The following FANCD2 variants were observed in gnomAD, a reference collection of about 807,000 sequenced individuals.
The protein encoded by FANCD2 is Fanconi anemia group D2 protein.
A neutral mutation model predicts 192.3 loss-of-function variants in FANCD2; 131 were observed. The observed-to-expected ratio is 0.68, with a 90% CI of 0.59 to 0.79. The LOEUF is 0.79. Among genes scored for constraint, FANCD2 ranks in the 30% least tolerant of loss-of-function variants. The pLI, the probability that FANCD2 is intolerant of heterozygous loss-of-function variation, is 0.00. For synonymous variants in FANCD2, 524 were observed against 612.5 expected, an observed-to-expected ratio of 0.86 and a Z score of 2.13; for missense variants, 1,508 against 1,701.6, an observed-to-expected ratio of 0.89 and a Z score of 2.00.
At chr3:10,039,461 A>G in intron 8 of FANCD2, 104 bp downstream of exon 8, 2 of 1,062,558 alleles carry the variant, frequency 1.9e-6, no homozygotes, top group Non-Finnish European at 2.8e-6. Context: ...ATACTTTTCC[A>G]TCCATCCATT....
chr3:10,033,356 G>A (rs528734287), intron 3 of FANCD2, among the ~76,000 whole-genome samples: 3 of 152,110 alleles, frequency 2.0e-5, no homozygotes, highest in Admixed American at 6.5e-5. Flanking sequence ...AGTCAAGATC[G>A]CACCACTGCA....
chr3:10,032,716 C>A, intron 2 of FANCD2, 116 bp from the exon 3 acceptor site: 3 of 845,024 alleles, frequency 3.6e-6, no homozygotes, highest in Non-Finnish European at 5.9e-6. Context: ...CAGCATCAAT[C>A]CTAGTATAAT....
chr3:10,084,456 A>G lies in FANCD2; in HGVS notation c.3225-1356A>G, dbSNP rs183233410. ...AGGCATGTACCACCATGCCCAGCTGATTTTTCCTTTTTTTTTTCTTTGGTA... is the reference window on the plus strand; with the variant it reads ...AGGCATGTACCACCATGCCCAGCTGGTTTTTCCTTTTTTTTTTCTTTGGTA... On this transcript the variant is annotated intron_variant, in intron 32 of 43. Transcript: ENST00000675286. 1.0e-3 allele frequency among the ~76,000 whole-genome samples: 147 copies of G among 147,704 alleles called. 1 individual carries two copies. The highest frequency in any genetic ancestry group is 7.6e-3 in the Middle Eastern group (2 of 262).
At chr3:10,045,500 C>G (rs1285334766) in intron 14 of FANCD2, 1 of 151,524 alleles carries the variant, frequency 6.6e-6, no homozygotes, top group Admixed American at 6.6e-5. Context: ...GTGTAATATT[C>G]CAAAAATTAA....
chr3:10,099,854 G>A (rs924294302), intron 43 of FANCD2, among the ~76,000 whole-genome samples: 1 of 152,246 alleles, frequency 6.6e-6, no homozygotes, highest in Non-Finnish European at 1.5e-5. Context: ...CTGCTGTGGG[G>A]CCTCTGTCTG....
intron 2 of FANCD2, among the ~76,000 whole-genome samples, chr3:10,031,087 A>G (rs1263396358): frequency 6.6e-6 from 1 of 152,238 alleles, no homozygotes; most frequent in Non-Finnish European, 1.5e-5. Flanking sequence ...TAAGTTTATT[A>G]GAAGGGATTT....
At position 10,065,311 on chromosome 3, in the gene FANCD2, A is replaced by G. The variant is rs545763481; in HGVS notation, c.2169-83A>G. 12 of 932,574 alleles carry G rather than the reference A, an allele frequency of 1.3e-5. No individual in the cohort carries two copies. In the East Asian group the frequency reaches 1.7e-4, roughly 13 times the overall value. 57.8% of individuals were successfully genotyped at this position (932,574 alleles called of 1,614,324 possible). On this transcript the variant is annotated intron_variant, in intron 23 of 43. Transcript: ENST00000675286. ...CTCAAAAAAAGAAGTTGTGTTCCCT[A>G]TGTATGTGGAGTAATATCTCCCTAT...
chr3:10,046,085 G>A (rs1236802063), intron 14 of FANCD2, among the ~76,000 whole-genome samples: 2 of 132,968 alleles, frequency 1.5e-5, no homozygotes, highest in Admixed American at 7.6e-5. Flanking sequence ...ATGGAATCTC[G>A]CTCTCTCACC....
chr3:10,031,626 TC>T (rs1682996943), intron 2 of FANCD2, among the ~76,000 whole-genome samples: 1 of 152,190 alleles, frequency 6.6e-6, no homozygotes, highest in Admixed American at 6.6e-5. Context: ...GTTTCTTATT[TC>T]TTTTTATGGG....
chr3:10,072,971 A>G lies in FANCD2; in HGVS notation c.2595A>G (p.Lys865=). The G allele has an allele frequency of 6.5e-7, 1 of 1,541,786 alleles. No homozygotes were observed. The highest frequency in any genetic ancestry group is 2.2e-5 in the East Asian group (1 of 44,502). ...CTATTTCAGCAAAAATCAGAAAGAA[A>G]GGAAAAATAGGTAAGTATGTTCTTT... is the stretch of plus-strand genomic sequence containing the variant. ...VTAISAKIRK[K]GKIERKQKTD... is the part of the protein sequence containing the mutation. The change falls in exon 27 of 44, where the codon AAA becomes AAG. Residue 865 remains lysine, a synonymous_variant. Transcript: ENST00000675286.
At chr3:10,037,322 A>C (rs1159361929) in intron 7 of FANCD2, among the ~76,000 whole-genome samples, 1 of 152,222 alleles carries the variant, frequency 6.6e-6, no homozygotes. Flanking sequence ...ACACAGTAAA[A>C]TAAATGCATT....
chr3:10,098,246 A>T (rs1036538000), intron 42 of FANCD2, among the ~76,000 whole-genome samples: 1 of 152,186 alleles, frequency 6.6e-6, no homozygotes, highest in Non-Finnish European at 1.5e-5. Flanking sequence ...TAATTTACCT[A>T]ATGTCATTCA....
chr3:10,092,106 T>C (rs1694647271), intron 37 of FANCD2, 75 bp from the exon 38 acceptor site: 1 of 1,023,594 alleles, frequency 9.8e-7, no homozygotes, highest in Admixed American at 1.7e-5. Context: ...ATTCAAGAAC[T>C]ATATCTTAGT....
chr3:10,043,186 T>C, intron 12 of FANCD2, 36 bp downstream of exon 12: 2 of 1,518,648 alleles, frequency 1.3e-6, no homozygotes, highest in Non-Finnish European at 1.8e-6. Flanking sequence ...TGTCACAATT[T>C]TCTGACATCC....
At chr3:10,087,370 C>A (rs2125073917) in intron 34 of FANCD2, 106 bp downstream of exon 34, 1 of 1,106,848 alleles carries the variant, frequency 9.0e-7, no homozygotes, top group Non-Finnish European at 1.3e-6. Context: ...TGTAAATCCC[C>A]ACATAACCTT....
chr3:10,031,169 G>T (rs1282305859), intron 2 of FANCD2, among the ~76,000 whole-genome samples: 2 of 152,120 alleles, frequency 1.3e-5, no homozygotes, highest in Non-Finnish European at 2.9e-5. Flanking sequence ...ATTCAGGAAG[G>T]TAGTGGTCTT....
chr3:10,079,161 T>C (rs1158418246), intron 30 of FANCD2, among the ~76,000 whole-genome samples: 10 of 151,696 alleles, frequency 6.6e-5, no homozygotes, highest in Middle Eastern at 6.3e-3. Context: ...GAAGACTTGA[T>C]TGAACCCAGG....
intron 18 of FANCD2, among the ~76,000 whole-genome samples, chr3:10,057,289 A>G (rs2087440080): frequency 6.6e-6 from 1 of 151,976 alleles, no homozygotes; most frequent in Non-Finnish European, 1.5e-5. Context: ...CACTCCCTTG[A>G]TAGTGTCCTT....
At chr3:10,091,832 C>T (rs1312075140) in intron 37 of FANCD2, among the ~76,000 whole-genome samples, 4 of 152,194 alleles carry the variant, frequency 2.6e-5, no homozygotes, top group African/African-American at 7.2e-5. Context: ...CAGTGGCGCA[C>T]GTCTGTAATC....
Sources: allele counts gnomAD v4.1 joint callset (sites outside exome capture counted in the v4.1 genomes callset), GRCh38; gene constraint gnomAD v4.1.1; transcripts MANE v1.5; gene names NCBI Gene and HGNC (gene_info 2026-07-23, HGNC 2026-07-21).